The following GLYATL2 variants were observed in gnomAD, a reference collection of about 807,000 sequenced individuals.
GLYATL2 encodes the protein glycine N-acyltransferase-like protein 2.
A neutral mutation model predicts 21.4 loss-of-function variants in GLYATL2; 25 were observed. The observed-to-expected ratio is 1.17, with a 90% confidence interval of 0.85 to 1.63. GLYATL2 has a LOEUF of 1.63. GLYATL2 is among the 40% of genes most tolerant of loss of function. The probability of loss-of-function intolerance (pLI) is 0.00; values close to 1 mark genes in which losing one functional copy is unlikely to be tolerated. For synonymous variants in GLYATL2, 114 were observed against 118.2 expected, an observed-to-expected ratio of 0.96 and a Z score of 0.23; for missense variants, 361 against 343.3, an observed-to-expected ratio of 1.05 and a Z score of -0.41.
chr11:58,900,449 T>A (rs959450127), intron 1 of GLYATL2, among the ~76,000 whole-genome samples: 1 of 152,184 alleles, frequency 6.6e-6, no homozygotes, highest in African/African-American at 2.4e-5. Context: ...GCTTCACACC[T>A]GTTATCTCTC....
At chr11:58,907,326 T>C, upstream of GLYATL2, 1 of 456,302 alleles carries the variant, frequency 2.2e-6, no homozygotes. Flanking sequence ...CCAATTGTCT[T>C]TGTCTTGCTG....
chr11:58,844,990 C>G (rs959353295), upstream of GLYATL2, among the ~76,000 whole-genome samples: 2 of 152,032 alleles, frequency 1.3e-5, no homozygotes, highest in African/African-American at 4.8e-5. Context: ...CTCTGGTTGT[C>G]TAAAGTGGAG....
upstream of GLYATL2, among the ~76,000 whole-genome samples, chr11:58,906,918 A>C (rs905814548): frequency 1.3e-5 from 2 of 152,246 alleles, no homozygotes; most frequent in Non-Finnish European, 2.9e-5. Context: ...TTCCATAGCT[A>C]CACCCCGACA....
At chr11:58,896,835 C>T (rs575976493) in intron 1 of GLYATL2, among the ~76,000 whole-genome samples, 13 of 152,290 alleles carry the variant, frequency 8.5e-5, no homozygotes, top group Non-Finnish European at 1.8e-4. Flanking sequence ...TCTTTTCCAA[C>T]GTTTCATATA....
chr11:58,846,519 CG>C (rs767171663), upstream of GLYATL2, among the ~76,000 whole-genome samples: 5 of 151,062 alleles, frequency 3.3e-5, no homozygotes, highest in African/African-American at 9.9e-5. Context: ...TCTCTGGGCA[CG>C]GGGGTAGAAA....
At chr11:58,905,685 C>A (rs78275034), upstream of GLYATL2, 3 of 334,840 alleles carry the variant, frequency 9.0e-6, no homozygotes, top group African/African-American at 5.5e-5. Context: ...GGCTGTGGAC[C>A]GAGTGGTTCG....
rs747339431 is a variant in GLYATL2, at chr11:58,864,818, T to C, written n.61-26450A>G. Among the ~76,000 whole-genome samples the C allele has an allele frequency of 6.7e-5, 10 of 149,142 alleles. 1 individual carries two copies. Among genetic ancestry groups the C allele is most frequent in the Non-Finnish European group, 1.3e-4 (9 of 67,224 alleles). ...GTGTTAGAAAGTCCCATTCTGACAT[T>C]TTGCTGATGTCTAGTTGCACAGCAT... On this transcript the variant is annotated intron_variant and non_coding_transcript_variant, in intron 1 of 4. Coordinates refer to the GLYATL2 transcript ENST00000533636.
intron 1 of GLYATL2, among the ~76,000 whole-genome samples, chr11:58,896,181 G>A (rs1173280843): frequency 2.0e-5 from 3 of 152,092 alleles, no homozygotes; most frequent in Non-Finnish European, 1.5e-5. Context: ...GTCTTCACCT[G>A]TGCAGGCGAC....
At chr11:58,897,422 A>G (rs979724439) in intron 1 of GLYATL2, among the ~76,000 whole-genome samples, 3 of 152,188 alleles carry the variant, frequency 2.0e-5, no homozygotes, top group African/African-American at 7.2e-5. Flanking sequence ...TAACAAAAAT[A>G]TTTAAAAACC....
intron 1 of GLYATL2, among the ~76,000 whole-genome samples, chr11:58,885,953 A>G (rs906669596): frequency 6.6e-6 from 1 of 152,198 alleles, no homozygotes. Flanking sequence ...GGTGTCTTCT[A>G]CCTGTAATCC....
chr11:58,851,505 G>A (rs1853740658), intron 1 of GLYATL2, among the ~76,000 whole-genome samples: 2 of 151,794 alleles, frequency 1.3e-5, no homozygotes, highest in Admixed American at 1.3e-4. Flanking sequence ...ATTTTGTTGA[G>A]GATTTTTGCA....
Position 58,839,989 on chromosome 11 carries a change from A to G in GLYATL2, c.-40-337T>C, listed in dbSNP as rs530609985. 4.6e-5 allele frequency among the ~76,000 whole-genome samples: 7 copies of G among 152,306 alleles called. No homozygotes were observed. The East Asian group carries it at 1.4e-3, about 29-fold the overall frequency. ...TCCAGGCACAAATAAAAAATAATGC[A>G]TCTCTTCAGGGATTGTCCCTCTGGA... is the stretch of plus-strand genomic sequence containing the variant. On this transcript the variant is annotated intron_variant, in intron 1 of 5. Transcript: ENST00000287275.
intron 1 of GLYATL2, among the ~76,000 whole-genome samples, chr11:58,868,511 TC>T (rs1565098769): frequency 1.3e-5 from 2 of 149,132 alleles, no homozygotes; most frequent in Admixed American, 1.4e-4. Context: ...AACTTGCATC[TC>T]CTATGCTACA....
At chr11:58,863,998 C>CT (rs1298300672) in intron 1 of GLYATL2, among the ~76,000 whole-genome samples, 1 of 151,976 alleles carries the variant, frequency 6.6e-6, no homozygotes, top group African/African-American at 2.4e-5. Flanking sequence ...AGATACCTAG[C>CT]TAAGAGATAA....
chr11:58,837,028 C>T lies in GLYATL2; in HGVS notation c.463G>A (p.Asp155Asn). Residue 155 changes from aspartate (D) to asparagine (N), a missense_variant, in exon 5 of 6, where the codon GAT (aspartate) becomes AAT (asparagine). By Grantham distance (23) the Asp-to-Asn change is conservative. Transcript: ENST00000287275. The stretch of plus-strand genomic sequence containing the variant: ...GTAAAATCTCACTTGTTATCATCAT[C>T]CACTTCAAATAACTCCATCTTGTCA... ...SNDKMELFEV[D>N]DDNKEGNFSN... 2 of 1,612,306 alleles carry T rather than the reference C, an allele frequency of 1.2e-6. No individual in the cohort carries two copies. Among genetic ancestry groups the T allele is most frequent in the Non-Finnish European group, 1.7e-6 (2 of 1,179,330 alleles).
intron 1 of GLYATL2, among the ~76,000 whole-genome samples, chr11:58,895,477 C>T (rs1277037550): frequency 1.3e-5 from 2 of 152,136 alleles, no homozygotes; most frequent in African/African-American, 4.8e-5. Context: ...TGACAAAGAT[C>T]TAGCAAGGTA....
intron 1 of GLYATL2, among the ~76,000 whole-genome samples, chr11:58,871,248 G>A (rs1273057533): frequency 3.3e-5 from 5 of 152,014 alleles, no homozygotes; most frequent in Middle Eastern, 3.4e-3. Flanking sequence ...TTAGTCATTG[G>A]GAGGTAGAAT....
At position 58,883,051 on chromosome 11, in the gene GLYATL2, T is replaced by C. The variant is rs527546882; in HGVS notation, n.60+21105A>G. Among the ~76,000 whole-genome samples the C allele has an allele frequency of 5.9e-5, 9 of 152,376 alleles. No homozygotes were observed. In the East Asian group the frequency reaches 1.7e-3, roughly 29 times the overall value. On this transcript the variant is annotated intron_variant and non_coding_transcript_variant, in intron 1 of 4. Transcript: ENST00000533636. ...CTTGGCAATGCAGGTTCTTTTTTGATTGCATATGAACTTTAAAGTATTTTT... is the reference window on the plus strand; with the variant it reads ...CTTGGCAATGCAGGTTCTTTTTTGACTGCATATGAACTTTAAAGTATTTTT...
At chr11:58,858,462 CT>C (rs909607835) in intron 1 of GLYATL2, among the ~76,000 whole-genome samples, 3 of 26,774 alleles carry the variant, frequency 1.1e-4, no homozygotes, top group African/African-American at 1.1e-4. Flanking sequence ...AAGAATTGGG[CT>C]TTTTTAAAAA....
Sources: allele counts gnomAD v4.1 joint callset (sites outside exome capture counted in the v4.1 genomes callset), GRCh38; gene constraint gnomAD v4.1.1; transcripts MANE v1.5; gene names NCBI Gene and HGNC (gene_info 2026-07-23, HGNC 2026-07-21).